DNAH14: variants seen among roughly 807,000 people sequenced by gnomAD.
DNAH14 encodes dynein axonemal heavy chain 14.
DNAH14 carries 478 observed loss-of-function variants against 520.9 expected under a neutral mutation model. The ratio of observed to expected loss-of-function variants is 0.92; its 90% CI spans 0.85 to 0.99. The LOEUF (loss-of-function observed/expected upper bound fraction) is 0.99. Ranked by LOEUF, DNAH14 falls within the 50% of genes least tolerant of loss-of-function variation. The probability of loss-of-function intolerance (pLI) is 0.00; values close to 1 mark genes in which losing one functional copy is unlikely to be tolerated. For missense variants in DNAH14, 4,831 were observed against 5,234.5 expected, an observed-to-expected ratio of 0.92 and a Z score of 2.38; for synonymous variants, 1,581 against 1,757.2, an observed-to-expected ratio of 0.90 and a Z score of 2.51.
chr1:224,983,552 G>C (rs904689534), intron 8 of DNAH14, among the ~76,000 whole-genome samples: 1 of 152,174 alleles, frequency 6.6e-6, no homozygotes, highest in East Asian at 1.9e-4. Context: ...AGCCAGAGCA[G>C]TCCAACAAGA....
At chr1:225,118,485 A>G (rs1373673399) in intron 25 of DNAH14, among the ~76,000 whole-genome samples, 1 of 152,162 alleles carries the variant, frequency 6.6e-6, no homozygotes, top group Non-Finnish European at 1.5e-5. Context: ...AGGGCTCTCT[A>G]ACCTTTGGCA....
At chr1:225,300,306 A>G (rs1432608847) in intron 55 of DNAH14, among the ~76,000 whole-genome samples, 1 of 152,220 alleles carries the variant, frequency 6.6e-6, no homozygotes, top group Non-Finnish European at 1.5e-5. Context: ...AGTGCCTGTC[A>G]CAGCTATTTG....
intron 55 of DNAH14, among the ~76,000 whole-genome samples, chr1:225,294,280 A>G (rs1468167099): frequency 1.3e-5 from 2 of 152,194 alleles, no homozygotes; most frequent in Non-Finnish European, 2.9e-5. Flanking sequence ...CATTCCTGAC[A>G]TAAATACCAG....
intron 8 of DNAH14, among the ~76,000 whole-genome samples, chr1:224,998,379 T>C (rs777993624): frequency 6.6e-6 from 1 of 152,176 alleles, no homozygotes; most frequent in Non-Finnish European, 1.5e-5. Context: ...ATTATTGATT[T>C]CGCAATGCCT....
chr1:225,062,372 T>C (rs550197004), intron 17 of DNAH14, among the ~76,000 whole-genome samples: 1 of 152,206 alleles, frequency 6.6e-6, no homozygotes, highest in South Asian at 2.1e-4. Context: ...AGTGTCTGAT[T>C]AACAGGTAGT....
At chr1:225,210,063 A>G (rs1211603707) in intron 41 of DNAH14, among the ~76,000 whole-genome samples, 1 of 151,998 alleles carries the variant, frequency 6.6e-6, no homozygotes, top group Non-Finnish European at 1.5e-5. Flanking sequence ...TCAAGCACGA[A>G]ACTGGGTGGC....
At chr1:225,130,166 A>G (rs2148947284) in intron 27 of DNAH14, among the ~76,000 whole-genome samples, 1 of 152,316 alleles carries the variant, frequency 6.6e-6, no homozygotes, top group East Asian at 1.9e-4. Flanking sequence ...AAGTCAGGAA[A>G]CAACAGGTGC....
chr1:225,294,182 A>C (rs1167659979), intron 55 of DNAH14, among the ~76,000 whole-genome samples: 2 of 152,166 alleles, frequency 1.3e-5, no homozygotes, highest in Non-Finnish European at 2.9e-5. Context: ...CCTTTTCAGC[A>C]TCTATTGAGA....
intron 8 of DNAH14, among the ~76,000 whole-genome samples, chr1:225,000,566 C>CTTT (rs199640733): frequency 1.5e-5 from 2 of 133,318 alleles, no homozygotes; most frequent in Non-Finnish European, 3.3e-5. Context: ...AAGGTTTGTT[C>CTTT]TTTTTTTTTT....
At chr1:225,274,197 A>ATTTTTTTTTTTTTTTTTTTT (rs869247051) in intron 52 of DNAH14, among the ~76,000 whole-genome samples, 3 of 92,882 alleles carry the variant, frequency 3.2e-5, no homozygotes, top group African/African-American at 8.0e-5. Flanking sequence ...AGCATCTGTT[A>ATTTTTTTTTTTTTTTTTTTT]TTTTTTTTTT....
chr1:225,046,552 A>G (rs1031864293), intron 15 of DNAH14, among the ~76,000 whole-genome samples: 3 of 152,170 alleles, frequency 2.0e-5, no homozygotes, highest in Non-Finnish European at 4.4e-5. Context: ...TCATGAATTG[A>G]ATAATCCATT....
chr1:225,269,820 A>G (rs1324580116), intron 49 of DNAH14, among the ~76,000 whole-genome samples: 2 of 152,170 alleles, frequency 1.3e-5, no homozygotes, highest in Non-Finnish European at 2.9e-5. Context: ...AAGTCAGGAA[A>G]CAACAGGTGC....
chr1:225,393,725 A>C (rs2095954235), intron 84 of DNAH14, among the ~76,000 whole-genome samples: 1 of 152,152 alleles, frequency 6.6e-6, no homozygotes, highest in African/African-American at 2.4e-5. Context: ...GTAATGTAGA[A>C]GATTGCTCCA....
In DNAH14 at chr1:225,313,736, T is replaced by G. The variant is rs546407989; in HGVS notation, c.9241-4847T>G. Among the ~76,000 whole-genome samples the G allele has an allele frequency of 1.1e-4, 17 of 152,358 alleles. No homozygotes were observed. In the South Asian group the frequency reaches 3.5e-3, roughly 32 times the overall value. On this transcript the variant is annotated intron_variant, in intron 60 of 85. Transcript: ENST00000682510. ...TCAGGAGCAGGTTGTTCAGTTTCCATGTAGTTGTGCAGTTTTGAGTGAGTT... is the reference window on the plus strand; with the variant it reads ...TCAGGAGCAGGTTGTTCAGTTTCCAGGTAGTTGTGCAGTTTTGAGTGAGTT...
chr1:225,368,738 T>G (rs1263504514), intron 77 of DNAH14, among the ~76,000 whole-genome samples: 1 of 152,208 alleles, frequency 6.6e-6, no homozygotes, highest in African/African-American at 2.4e-5. Flanking sequence ...TGATTCTGCC[T>G]CTGGGTATCT....
intron 10 of DNAH14, among the ~76,000 whole-genome samples, chr1:225,012,797 T>C (rs1280178882): frequency 6.6e-6 from 1 of 152,200 alleles, no homozygotes; most frequent in Non-Finnish European, 1.5e-5. Flanking sequence ...TCGTGCTGTG[T>C]TTTTCAGCTC....
chr1:225,337,200 C>A (rs896714216), intron 66 of DNAH14, 66 bp from the exon 67 acceptor site: 2 of 1,279,026 alleles, frequency 1.6e-6, no homozygotes, highest in African/African-American at 3.0e-5. Flanking sequence ...CTTTTAGTAC[C>A]CTGTAGGATA....
chr1:225,102,418 G>C lies in DNAH14; in HGVS notation c.3867+1534G>C, dbSNP rs1305485002. On this transcript the variant is annotated intron_variant, in intron 23 of 85. Coordinates refer to ENST00000682510, the MANE Select transcript of DNAH14 (RefSeq NM_001367479.1). Reference sequence around the variant, plus strand: ...TGGGTATATACCCAGTAATGGGATGGCTGGGTCAAATGGTATTTCTAGTTC... The same window carrying C: ...TGGGTATATACCCAGTAATGGGATGCCTGGGTCAAATGGTATTTCTAGTTC... Among the ~76,000 whole-genome samples, 7 of 152,096 alleles carry C rather than the reference G, an allele frequency of 4.6e-5. 1 individual carries two copies. Among genetic ancestry groups the C allele is most frequent in the Non-Finnish European group, 7.4e-5 (5 of 68,024 alleles).
intron 38 of DNAH14, among the ~76,000 whole-genome samples, chr1:225,197,930 G>A (rs949565697): frequency 1.3e-5 from 2 of 152,006 alleles, no homozygotes; most frequent in African/African-American, 2.4e-5. Context: ...TTCTAGGAGC[G>A]TTCTGGAGGA....
Sources: gnomAD v4.1 joint callset for allele counts (sites outside exome capture counted in the v4.1 genomes callset) on GRCh38, gnomAD v4.1.1 for gene constraint, MANE v1.5 for transcripts, NCBI Gene and HGNC (gene_info 2026-07-23, HGNC 2026-07-21) for gene names.